The following MSH4 variants were observed in gnomAD, a reference collection of about 807,000 sequenced individuals.
The protein encoded by MSH4 is mutS protein homolog 4.
MSH4 carries 106 observed loss-of-function variants against 113.7 expected under a neutral mutation model. That is an observed-to-expected ratio of 0.93 (90% CI 0.80 to 1.10). The LOEUF (loss-of-function observed/expected upper bound fraction) is 1.10, where lower values mean the gene tolerates loss of function less well. Ranked by LOEUF, MSH4 falls within the 50% of genes least tolerant of loss-of-function variation. The probability of loss-of-function intolerance (pLI) is 0.00; values close to 1 mark genes in which losing one functional copy is unlikely to be tolerated. For synonymous variants in MSH4, 368 were observed against 380.2 expected, an observed-to-expected ratio of 0.97 and a Z score of 0.37; for missense variants, 1,061 against 1,093.7, an observed-to-expected ratio of 0.97 and a Z score of 0.42.
intron 8 of MSH4, among the ~76,000 whole-genome samples, chr1:75,859,923 T>G (rs1651414942): frequency 6.6e-6 from 1 of 151,902 alleles, no homozygotes; most frequent in African/African-American, 2.4e-5. Context: ...TCTAAGAACT[T>G]GCTTTATGAA....
chr1:75,842,821 C>G (rs1409782171), intron 7 of MSH4, among the ~76,000 whole-genome samples: 1 of 152,098 alleles, frequency 6.6e-6, no homozygotes, highest in African/African-American at 2.4e-5. Flanking sequence ...GGGAGTCTCC[C>G]TTTCCCCAGG....
intron 1 of MSH4, among the ~76,000 whole-genome samples, chr1:75,803,270 T>C (rs978401500): frequency 1.3e-5 from 2 of 152,216 alleles, no homozygotes; most frequent in Non-Finnish European, 2.9e-5. Context: ...ATGTCATTAA[T>C]TTTGTTATAA....
intron 7 of MSH4, among the ~76,000 whole-genome samples, chr1:75,838,530 C>T (rs12090712): frequency 0.21 from 31,504 of 152,010 alleles, 3,822 homozygotes; most frequent in African/African-American, 0.3. Context: ...TGGTGGTTAC[C>T]ATACTCATCT....
intron 4 of MSH4, among the ~76,000 whole-genome samples, chr1:75,813,128 G>A (rs1570943462): frequency 6.6e-6 from 1 of 152,288 alleles, no homozygotes; most frequent in Non-Finnish European, 1.5e-5. Context: ...AGCTAACCCA[G>A]AGGGAAAATA....
intron 9 of MSH4, 29 bp downstream of exon 9, chr1:75,867,617 C>G: frequency 7.5e-7 from 1 of 1,338,686 alleles, no homozygotes; most frequent in Non-Finnish European, 1.0e-6. Flanking sequence ...TCGTACAAAA[C>G]ATGTCCAGCA....
At chr1:75,871,989 C>T (rs920330201) in intron 9 of MSH4, among the ~76,000 whole-genome samples, 3 of 152,082 alleles carry the variant, frequency 2.0e-5, no homozygotes, top group African/African-American at 4.8e-5. Context: ...TTTAGATGCT[C>T]CAGATTCTGA....
At chr1:75,870,578 T>C (rs1651692102) in intron 9 of MSH4, among the ~76,000 whole-genome samples, 2 of 152,152 alleles carry the variant, frequency 1.3e-5, no homozygotes, top group African/African-American at 4.8e-5. Flanking sequence ...TGAATAAGTC[T>C]CACGAGATCT....
chr1:75,832,401 T>C (rs896783822), intron 7 of MSH4, among the ~76,000 whole-genome samples: 2 of 152,112 alleles, frequency 1.3e-5, no homozygotes, highest in Admixed American at 6.6e-5. Context: ...TTCTGATCAA[T>C]AGAAAAAGAG....
intron 17 of MSH4, among the ~76,000 whole-genome samples, chr1:75,893,686 G>A (rs1357920725): frequency 6.6e-6 from 1 of 152,146 alleles, no homozygotes; most frequent in Non-Finnish European, 1.5e-5. Flanking sequence ...GAGATACATT[G>A]CACTCTGAAA....
At chr1:75,869,457 A>T (rs181006034) in intron 9 of MSH4, among the ~76,000 whole-genome samples, 203 of 152,340 alleles carry the variant, frequency 1.3e-3, no homozygotes, top group Admixed American at 3.3e-3. Context: ...ACAATGGGGA[A>T]AATGTCTCCA....
intron 9 of MSH4, among the ~76,000 whole-genome samples, chr1:75,874,615 C>T (rs1429174163): frequency 6.6e-6 from 1 of 152,060 alleles, no homozygotes; most frequent in Non-Finnish European, 1.5e-5. Flanking sequence ...AGTCACCACA[C>T]CTGACAATGG....
rs371942389 is a variant in MSH4, at chr1:75,912,877, C to T, written c.2801C>T (p.Thr934Ile). 6.6e-7 allele frequency: 1 copy of T among 1,512,972 alleles called. No homozygotes were observed. The highest frequency in any genetic ancestry group is 8.8e-7 in the Non-Finnish European group (1 of 1,131,954). 93.7% of individuals were successfully genotyped at this position (1,512,972 alleles called of 1,614,324 possible). A position where few individuals can be genotyped will look rare whatever the true frequency, so the allele number is the denominator to read the frequency against. ...FPRTEQVPEK[T>I]EE The stretch of plus-strand genomic sequence containing the variant: ...AGGACTGAACAAGTTCCAGAAAAGA[C>T]TGAAGAATAATCACAATTCTAATGT... The change falls in exon 20 of 20, where the codon ACT becomes ATT. Residue 934 changes from threonine to isoleucine, a missense_variant. Physicochemically the swap from Thr to Ile is moderately conservative, Grantham distance 89. Coordinates refer to ENST00000263187, the MANE Select transcript of MSH4 (RefSeq NM_002440.4).
At chr1:75,835,781 A>C (rs1650814638) in intron 7 of MSH4, among the ~76,000 whole-genome samples, 1 of 152,168 alleles carries the variant, frequency 6.6e-6, no homozygotes, top group Non-Finnish European at 1.5e-5. Context: ...TTGAAAAACA[A>C]ATTTCCTATG....
chr1:75,872,064 G>A (rs1350271980), intron 9 of MSH4, among the ~76,000 whole-genome samples: 4 of 152,168 alleles, frequency 2.6e-5, no homozygotes, highest in Non-Finnish European at 4.4e-5. Context: ...TATGTAATGT[G>A]TTGCAGTCAA....
intron 16 of MSH4, among the ~76,000 whole-genome samples, chr1:75,890,324 T>C (rs1400110331): frequency 6.6e-6 from 1 of 152,082 alleles, no homozygotes; most frequent in Non-Finnish European, 1.5e-5. Context: ...GAGATGGTTT[T>C]GGATACTTTA....
intron 9 of MSH4, among the ~76,000 whole-genome samples, chr1:75,876,133 A>C (rs1570981976): frequency 6.6e-6 from 1 of 152,176 alleles, no homozygotes; most frequent in East Asian, 1.9e-4. Context: ...TCTGAAAAAA[A>C]TCCAGAATCT....
Position 75,880,119 on chromosome 1 carries a change from G to C in MSH4, c.1747G>C (p.Glu583Gln), listed in dbSNP as rs950924718. ...DLIKMNERCQ[E>Q]SLREIYHMTY... Reference sequence around the variant, plus strand: ...AATTAAAATGAATGAAAGATGCCAAGAATCTTTGAGAGAAATCTATCACAT... The same window carrying C: ...AATTAAAATGAATGAAAGATGCCAACAATCTTTGAGAGAAATCTATCACAT... Residue 583 changes from glutamate to glutamine, a missense_variant, in exon 13 of 20, where the codon GAA becomes CAA. By Grantham distance (29) the Glu-to-Gln change is conservative (BLOSUM62 2). Transcript: ENST00000263187. 1.3e-6 allele frequency: 2 copies of C among 1,589,022 alleles called. No individual in the cohort carries two copies. Among genetic ancestry groups the C allele is most frequent in the Non-Finnish European group, 1.7e-6 (2 of 1,162,490 alleles).
chr1:75,804,042 T>C (rs1490215582), intron 2 of MSH4, 129 bp downstream of exon 2: 1 of 551,830 alleles, frequency 1.8e-6, no homozygotes, highest in Non-Finnish European at 2.8e-6. Context: ...AATACATTAG[T>C]TTACCTCTAT....
At chr1:75,810,658 A>C in intron 3 of MSH4, 39 bp from the exon 4 acceptor site, 1 of 955,426 alleles carries the variant, frequency 1.0e-6, no homozygotes, top group Non-Finnish European at 1.5e-6. Context: ...TTTATTTCCT[A>C]AGCTTTATTT....
Sources: gnomAD v4.1 joint callset for allele counts (sites outside exome capture counted in the v4.1 genomes callset) on GRCh38, gnomAD v4.1.1 for gene constraint, MANE v1.5 for transcripts, NCBI Gene and HGNC (gene_info 2026-07-23, HGNC 2026-07-21) for gene names.